TRHDE: variants seen among roughly 807,000 people sequenced by gnomAD.
The protein encoded by TRHDE is thyrotropin-releasing hormone-degrading ectoenzyme.
TRHDE carries 72 observed loss-of-function variants against 125.7 expected under a neutral mutation model. The ratio of observed to expected loss-of-function variants is 0.57; its 90% confidence interval spans 0.47 to 0.70. TRHDE has a LOEUF of 0.70. Among genes scored for constraint, TRHDE ranks in the 30% least tolerant of loss-of-function variants. The pLI is 0.00. For missense variants in TRHDE, 1,110 were observed against 1,327.1 expected (o/e 0.84, Z 2.54); for synonymous variants, 509 against 509.1 (o/e 1.00, Z 0.00).
chr12:72,525,943 T>C (rs1868328541), intron 6 of TRHDE, among the ~76,000 whole-genome samples: 1 of 152,136 alleles, frequency 6.6e-6, no homozygotes, highest in Admixed American at 6.6e-5. Context: ...GTCATTTTTT[T>C]CCCCTGCGGT....
At chr12:72,139,508 C>T (rs953420727) in intron 2 of TRHDE, among the ~76,000 whole-genome samples, 1 of 152,062 alleles carries the variant, frequency 6.6e-6, no homozygotes, top group Non-Finnish European at 1.5e-5. Context: ...GAATCCTCCT[C>T]GGTGTTCATG....
chr12:72,261,737 G>C (rs917763137), intron 2 of TRHDE, among the ~76,000 whole-genome samples: 9 of 152,242 alleles, frequency 5.9e-5, no homozygotes, highest in African/African-American at 2.2e-4. Flanking sequence ...TTGGGCAAGA[G>C]CTCTAGACTA....
At chr12:72,439,073 G>A (rs1592445464) in intron 3 of TRHDE, among the ~76,000 whole-genome samples, 1 of 151,824 alleles carries the variant, frequency 6.6e-6, no homozygotes, top group African/African-American at 2.4e-5. Context: ...CCCATTGTAT[G>A]TTCTTGGTGC....
intron 3 of TRHDE, among the ~76,000 whole-genome samples, chr12:72,415,783 G>A (rs997714060): frequency 1.3e-5 from 2 of 151,938 alleles, no homozygotes; most frequent in African/African-American, 4.8e-5. Context: ...TTATTCATTT[G>A]TTGATAGACA....
intron 15 of TRHDE, among the ~76,000 whole-genome samples, chr12:72,639,427 A>C (rs1209156205): frequency 4.7e-5 from 7 of 150,346 alleles, no homozygotes; most frequent in Admixed American, 2.0e-4. Flanking sequence ...TCAAAGTTTT[A>C]AACTTCTTTG....
chr12:72,160,097 T>G (rs146355997), intron 2 of TRHDE, among the ~76,000 whole-genome samples: 2 of 152,352 alleles, frequency 1.3e-5, no homozygotes, highest in Non-Finnish European at 2.9e-5. Context: ...GGTTTGATGT[T>G]CCTTTCTTCT....
At chr12:72,142,875 C>A (rs1876148860) in intron 2 of TRHDE, among the ~76,000 whole-genome samples, 1 of 152,076 alleles carries the variant, frequency 6.6e-6, no homozygotes, top group Admixed American at 6.6e-5. Context: ...CTCCACTCCC[C>A]TTTCCAGCTC....
At chr12:72,495,670 A>G (rs1877884486) in intron 5 of TRHDE, among the ~76,000 whole-genome samples, 1 of 152,088 alleles carries the variant, frequency 6.6e-6, no homozygotes, top group African/African-American at 2.4e-5. Context: ...TTTCGCTGAT[A>G]TATTCATTCC....
intron 1 of TRHDE, among the ~76,000 whole-genome samples, chr12:72,285,793 A>G (rs986158596): frequency 1.3e-5 from 2 of 152,178 alleles, no homozygotes; most frequent in Admixed American, 6.5e-5. Flanking sequence ...TGCTGGGATT[A>G]CAAGTGTGAG....
chr12:72,494,000 C>T (rs1425918984), intron 5 of TRHDE, among the ~76,000 whole-genome samples: 2 of 152,022 alleles, frequency 1.3e-5, no homozygotes, highest in Non-Finnish European at 2.9e-5. Context: ...CTTCTATAGC[C>T]TTTGCAAGTA....
intron 2 of TRHDE, among the ~76,000 whole-genome samples, chr12:72,125,597 C>T (rs955143448): frequency 3.3e-5 from 5 of 152,166 alleles, no homozygotes; most frequent in African/African-American, 1.2e-4. Flanking sequence ...CATACACTTA[C>T]ATATTTTTGT....
intron 15 of TRHDE, among the ~76,000 whole-genome samples, chr12:72,651,915 AAATT>A (rs1343610854): frequency 1.3e-5 from 2 of 151,974 alleles, no homozygotes; most frequent in African/African-American, 4.8e-5. Flanking sequence ...CGTTCTATCC[AAATT>A]AATTAGTGTC....
intron 2 of TRHDE, chr12:72,256,698 G>A (rs2099475822): frequency 6.6e-6 from 1 of 152,184 alleles, no homozygotes; most frequent in Admixed American, 6.5e-5. Context: ...AAGCCTTGTG[G>A]TCTAATACTT....
At chr12:72,602,297 A>G (rs1565806422) in intron 12 of TRHDE, among the ~76,000 whole-genome samples, 1 of 152,230 alleles carries the variant, frequency 6.6e-6, no homozygotes, top group African/African-American at 2.4e-5. Flanking sequence ...ACACAACTCC[A>G]AACACTAAAA....
rs146218711 is a variant in TRHDE at position 72,323,645 on chromosome 12, T to C, written c.1188+36691T>C. ...AGCTAATCCGTAGGCTGTGACTGAC[T>C]CTTGGGAAGGCTTGGTGCCAAAATG... On this transcript the variant is annotated intron_variant, in intron 2 of 18. Transcript: ENST00000261180. 1.4e-3 allele frequency among the ~76,000 whole-genome samples: 217 copies of C among 152,232 alleles called. No individual in the cohort carries two copies. In the Middle Eastern group the frequency reaches 0.017, roughly 12 times the overall value.
intron 1 of TRHDE, chr12:72,087,517 C>T (rs1027019308): frequency 1.6e-4 from 24 of 152,002 alleles, no homozygotes; most frequent in Non-Finnish European, 2.4e-4. Flanking sequence ...TCCTCTGGGA[C>T]AGAAAGAAAG....
intron 2 of TRHDE, among the ~76,000 whole-genome samples, chr12:72,207,571 G>A (rs1877694665): frequency 6.6e-6 from 1 of 152,102 alleles, no homozygotes; most frequent in Non-Finnish European, 1.5e-5. Flanking sequence ...CCTCAAAAAA[G>A]GCACCAATAG....
chr12:72,485,581 C>T (rs1416275978), intron 5 of TRHDE, among the ~76,000 whole-genome samples: 1 of 152,248 alleles, frequency 6.6e-6, no homozygotes, highest in South Asian at 2.1e-4. Flanking sequence ...GCAGTTGACC[C>T]CTCCCCATTC....
intron 3 of TRHDE, among the ~76,000 whole-genome samples, chr12:72,403,690 C>T (rs1873142506): frequency 6.6e-6 from 1 of 152,152 alleles, no homozygotes; most frequent in African/African-American, 2.4e-5. Flanking sequence ...AAGCCAGATC[C>T]AAAGGCAGCA....
Sources: allele counts gnomAD v4.1 joint callset (sites outside exome capture counted in the v4.1 genomes callset), GRCh38; gene constraint gnomAD v4.1.1; transcripts MANE v1.5; gene names NCBI Gene and HGNC (gene_info 2026-07-23, HGNC 2026-07-21).